Variants in SRR observed in about 807,000 individuals in gnomAD.
SRR encodes serine racemase.
A neutral mutation model predicts 32.7 loss-of-function variants in SRR; 19 were observed. The observed-to-expected ratio is 0.58, with a 90% CI of 0.40 to 0.85. The LOEUF (loss-of-function observed/expected upper bound fraction) is 0.85, where lower values mean the gene tolerates loss of function less well. Ranked by LOEUF, SRR falls within the 40% of genes least tolerant of loss-of-function variation. SRR has a pLI of 0.00. For synonymous variants in SRR, 142 were observed against 140.9 expected, an observed-to-expected ratio of 1.01 and a Z score of -0.06; for missense variants, 373 against 404.7, an observed-to-expected ratio of 0.92 and a Z score of 0.67.
intron 6 of SRR, 175 bp from the exon 7 acceptor site, chr17:2,322,961 C>T (rs1372873823): frequency 5.0e-6 from 3 of 605,476 alleles, no homozygotes; most frequent in East Asian, 2.9e-5. Context: ...CACTGCATTT[C>T]ACCAGGTTGG....
At chr17:2,312,776 T>G (rs552268539) in intron 1 of SRR, among the ~76,000 whole-genome samples, 1 of 152,276 alleles carries the variant, frequency 6.6e-6, no homozygotes, top group East Asian at 1.9e-4. Context: ...GTATGCCTTT[T>G]GATACAAAAT....
At chr17:2,307,309 C>T in intron 1 of SRR, 1 of 1,090,228 alleles carries the variant, frequency 9.2e-7, no homozygotes, top group Non-Finnish European at 1.4e-6. Context: ...CCTGTCAAAG[C>T]AAGAGATGGT....
At chr17:2,312,746 A>T (rs1007375083) in intron 1 of SRR, among the ~76,000 whole-genome samples, 1 of 152,218 alleles carries the variant, frequency 6.6e-6, no homozygotes, top group Non-Finnish European at 1.5e-5. Context: ...GGCAGTGGGT[A>T]TCAGATTTCT....
chr17:2,304,254 C>CTT (rs138975336), intron 1 of SRR, among the ~76,000 whole-genome samples: 2 of 128,744 alleles, frequency 1.6e-5, no homozygotes, highest in Admixed American at 1.6e-4. Flanking sequence ...TTACTATTCC[C>CTT]TTTTTTTTTT....
At chr17:2,316,879 A>AT (rs536120942) in intron 2 of SRR, among the ~76,000 whole-genome samples, 20,482 of 123,706 alleles carry the variant, frequency 0.17, 1,820 homozygotes, top group African/African-American at 0.23. Context: ...CGCCCAGCTA[A>AT]TTTTTTTTTT....
intron 1 of SRR, chr17:2,306,955 G>T: frequency 8.4e-7 from 1 of 1,185,964 alleles, no homozygotes. Context: ...TGCCACTGAG[G>T]AGGAGGTGGA....
chr17:2,306,260 G>A (rs990140994), intron 1 of SRR, among the ~76,000 whole-genome samples: 6 of 151,732 alleles, frequency 4.0e-5, no homozygotes, highest in East Asian at 2.0e-4. Flanking sequence ...AGGTTGCAGC[G>A]AGCCGAGATT....
intron 1 of SRR, among the ~76,000 whole-genome samples, chr17:2,305,854 T>C (rs1314947424): frequency 1.3e-5 from 2 of 151,808 alleles, no homozygotes; most frequent in African/African-American, 2.4e-5. Flanking sequence ...CCCACCACCA[T>C]GCCCAGCTAA....
rs1349955252 is a variant in SRR, at chr17:2,318,904, T to C, written c.374T>C (p.Ile125Thr). 13 of 1,613,492 alleles carry C rather than the reference T, an allele frequency of 8.1e-6. No individual in the cohort carries two copies. Among genetic ancestry groups the C allele is most frequent in the East Asian group, 2.2e-5 (1 of 44,880 alleles). Residue 125 changes from isoleucine to threonine, a missense_variant, in exon 4 of 8, where the codon ATT (isoleucine) becomes ACT (threonine). Coordinates refer to ENST00000344595, the MANE Select transcript of SRR (RefSeq NM_021947.3). The stretch of plus-strand genomic sequence containing the variant: ...GCAATACAAGCCTACGGAGCGTCAA[T>C]TGTATACTGTGAACCTAGTGATGAG... Reference protein sequence around the residue: ...KLAIQAYGASIVYCEPSDESR... With the variant: ...KLAIQAYGASTVYCEPSDESR...
intron 4 of SRR, 139 bp from the exon 5 acceptor site, chr17:2,321,167 T>G (rs942414638): frequency 9.9e-7 from 1 of 1,005,400 alleles, no homozygotes; most frequent in Non-Finnish European, 1.5e-6. Flanking sequence ...GCAGGGATAT[T>G]TTATTAACAT....
At chr17:2,309,392 C>T (rs193115910) in intron 1 of SRR, among the ~76,000 whole-genome samples, 3 of 152,274 alleles carry the variant, frequency 2.0e-5, no homozygotes, top group East Asian at 3.9e-4. Context: ...TTGGAAAATG[C>T]CCCTTACTCC....
chr17:2,310,335 G>A lies in SRR; in HGVS notation c.-4-5222G>A, dbSNP rs143108793. On this transcript the variant is annotated intron_variant, in intron 1 of 7. Coordinates refer to ENST00000344595, the MANE Select transcript of SRR (RefSeq NM_021947.3). The stretch of plus-strand genomic sequence containing the variant: ...CAATTTTTTGAGGAAGCACCATACT[G>A]TTTACTGTAGAATTACCACTACAGG... Among the ~76,000 whole-genome samples the A allele has an allele frequency of 6.6e-5, 10 of 152,236 alleles. No individual in the cohort carries two copies. In the East Asian group the frequency reaches 1.9e-3, roughly 29 times the overall value.
At chr17:2,310,719 C>CA (rs1281361979) in intron 1 of SRR, among the ~76,000 whole-genome samples, 1 of 151,968 alleles carries the variant, frequency 6.6e-6, no homozygotes, top group Non-Finnish European at 1.5e-5. Flanking sequence ...GCTGGGACTA[C>CA]AGGCAAATGC....
chr17:2,317,784 T>C, intron 2 of SRR, 86 bp from the exon 3 acceptor site: 1 of 1,418,424 alleles, frequency 7.1e-7, no homozygotes, highest in Non-Finnish European at 9.7e-7. Context: ...GATGTGCATG[T>C]TAAGGATAGA....
At chr17:2,317,743 AG>A in intron 2 of SRR, 126 bp from the exon 3 acceptor site, 1 of 962,648 alleles carries the variant, frequency 1.0e-6, no homozygotes. Flanking sequence ...GATATTTAAG[AG>A]GTAAATCGAT....
rs2151428230 is a variant in SRR, at chr17:2,307,123, A to C, written c.-5+3106A>C. ...CGAAGACACTGAAGAATATCACCTAAGTGATTATTTTGAACAGTATGGAAA... is the reference window on the plus strand; with the variant it reads ...CGAAGACACTGAAGAATATCACCTACGTGATTATTTTGAACAGTATGGAAA... On this transcript the variant is annotated intron_variant, in intron 1 of 7. Coordinates refer to ENST00000344595, the MANE Select transcript of SRR (RefSeq NM_021947.3). 2.6e-6 allele frequency: 3 copies of C among 1,149,804 alleles called. No homozygotes were observed. The South Asian group carries it at 3.7e-5, about 14-fold the overall frequency. 71.2% of individuals were successfully genotyped at this position (1,149,804 alleles called of 1,614,324 possible).
At chr17:2,309,031 T>C (rs545605593) in intron 1 of SRR, among the ~76,000 whole-genome samples, 55 of 152,190 alleles carry the variant, frequency 3.6e-4, no homozygotes, top group African/African-American at 1.3e-3. Flanking sequence ...GGCAGGAGAA[T>C]CGCTTGAATC....
rs144649456 is a variant in SRR at position 2,324,378 on chromosome 17, G to C, written c.*505G>C. ...CATTTCATGTGGCCATGGGTACCTA[G>C]AAAGACATCAGAACAAGTCGGTCAA... is the stretch of plus-strand genomic sequence containing the variant. On this transcript the variant is annotated 3_prime_UTR_variant, in exon 8 of 8. Coordinates refer to ENST00000344595, the MANE Select transcript of SRR (RefSeq NM_021947.3). 6.1e-5 allele frequency: 96 copies of C among 1,578,158 alleles called. No individual in the cohort carries two copies. The African/African-American group carries it at 1.2e-3, about 19-fold the overall frequency.
At chr17:2,307,537 A>C in intron 1 of SRR, 3 of 1,232,566 alleles carry the variant, frequency 2.4e-6, no homozygotes, top group Non-Finnish European at 3.5e-6. Flanking sequence ...GGAAGCTACA[A>C]TGATTTTGGC....
Sources: allele counts gnomAD v4.1 joint callset (sites outside exome capture counted in the v4.1 genomes callset), GRCh38; gene constraint gnomAD v4.1.1; transcripts MANE v1.5; gene names NCBI Gene and HGNC (gene_info 2026-07-23, HGNC 2026-07-21).